Variants in TENM3 observed in about 807,000 individuals in gnomAD.
TENM3 encodes the protein teneurin-3.
In TENM3, 63 loss-of-function variants were observed where a neutral mutation model predicts 255.1. The ratio of observed to expected loss-of-function variants is 0.25; its 90% CI spans 0.20 to 0.30. The LOEUF (loss-of-function observed/expected upper bound fraction) is 0.30. Ranked by LOEUF, TENM3 falls within the 10% of genes least tolerant of loss-of-function variation. The pLI, the probability that TENM3 is intolerant of heterozygous loss-of-function variation, is 1.00. For synonymous variants in TENM3, 1,306 were observed against 1,322.3 expected (o/e 0.99, Z 0.27); for missense variants, 2,929 against 3,461.1 (o/e 0.85, Z 3.86).
At chr4:182,761,954 G>A (rs1763236339) in intron 22 of TENM3, among the ~76,000 whole-genome samples, 1 of 152,160 alleles carries the variant, frequency 6.6e-6, no homozygotes, top group South Asian at 2.1e-4. Flanking sequence ...TACATTTCAA[G>A]CATTAACCTG....
At chr4:182,681,040 G>GT (rs1252825618) in intron 10 of TENM3, among the ~76,000 whole-genome samples, 2 of 152,060 alleles carry the variant, frequency 1.3e-5, no homozygotes, top group Admixed American at 1.3e-4. Flanking sequence ...TCTTTTTATA[G>GT]TTTTTTACAT....
At chr4:182,326,715 A>T (rs559515086) in intron 2 of TENM3, among the ~76,000 whole-genome samples, 8 of 151,228 alleles carry the variant, frequency 5.3e-5, no homozygotes, top group East Asian at 3.9e-4. Context: ...TTTTAAAGAC[A>T]TTTTTTTTAA....
chr4:182,722,581 A>G lies in TENM3; in HGVS notation c.2369-6384A>G, dbSNP rs1243131405. ...AGAGAAGCTTAGAGATCTCCGGGCA[A>G]AGGAAACGATTGTGGTGAAAGGTCT... is the stretch of plus-strand genomic sequence containing the variant. On this transcript the variant is annotated intron_variant, in intron 13 of 27. Transcript: ENST00000511685. Among the ~76,000 whole-genome samples the G allele has an allele frequency of 2.0e-5, 3 of 152,340 alleles. No individual in the cohort carries two copies. The East Asian group carries it at 5.8e-4, about 29-fold the overall frequency.
the TENM3 span, among the ~76,000 whole-genome samples, chr4:181,553,248 T>C: frequency 1.4e-5 from 2 of 144,548 alleles, no homozygotes; most frequent in African/African-American, 2.6e-5. Context: ...CAGGTCGCTA[T>C]TATAGTCATT....
intron 6 of TENM3, among the ~76,000 whole-genome samples, chr4:182,671,841 T>TA (rs1194022206): frequency 6.6e-6 from 1 of 152,036 alleles, no homozygotes; most frequent in Non-Finnish European, 1.5e-5. Flanking sequence ...CAGTTTAATA[T>TA]TTTTTTTAAA....
rs113585717 is a variant in TENM3, at chr4:182,497,109, A to G, written c.512-103815A>G. ...TTGCTCTGTCGCCAGGCTGGAATGC[A>G]GTGGCACGATCTCAGCTCACTGTAA... is the stretch of plus-strand genomic sequence containing the variant. On this transcript the variant is annotated intron_variant, in intron 3 of 27. Transcript: ENST00000511685. 3.0e-3 allele frequency among the ~76,000 whole-genome samples: 455 copies of G among 151,386 alleles called. 2 individuals carry two copies. Among genetic ancestry groups the G allele is most frequent in the African/African-American group, 0.01 (427 of 41,262 alleles).
intron 1 of TENM3, among the ~76,000 whole-genome samples, chr4:182,319,509 T>C (rs1025234131): frequency 6.6e-6 from 1 of 152,244 alleles, no homozygotes; most frequent in African/African-American, 2.4e-5. Context: ...TGCCTCGATC[T>C]TTGATGGCAT....
the TENM3 span, among the ~76,000 whole-genome samples, chr4:181,933,866 A>T: frequency 9.0e-3 from 1,373 of 152,254 alleles, 16 homozygotes; most frequent in African/African-American, 0.032. Flanking sequence ...GACTCAATAG[A>T]TTTTTTGTGT....
the TENM3 span, among the ~76,000 whole-genome samples, chr4:181,489,688 A>T: frequency 6.6e-6 from 1 of 152,198 alleles, no homozygotes; most frequent in African/African-American, 2.4e-5. Flanking sequence ...TAGAAATTCC[A>T]TATATAGAAA....
chr4:182,791,687 A>G (rs925751753), intron 25 of TENM3, among the ~76,000 whole-genome samples: 2 of 152,192 alleles, frequency 1.3e-5, no homozygotes, highest in African/African-American at 4.8e-5. Context: ...TATAGCTCTC[A>G]TTCACCATGT....
the TENM3 span, among the ~76,000 whole-genome samples, chr4:181,623,784 G>T: frequency 5.3e-5 from 8 of 152,146 alleles, no homozygotes; most frequent in African/African-American, 1.7e-4. Flanking sequence ...TGTTTTGATG[G>T]CTCTGAGCTA....
At chr4:181,946,292 G>C in the TENM3 span, among the ~76,000 whole-genome samples, 3 of 152,142 alleles carry the variant, frequency 2.0e-5, no homozygotes, top group African/African-American at 7.2e-5. Context: ...CACATCAACT[G>C]TGTATGACAG....
chr4:181,594,391 A>T, the TENM3 span, among the ~76,000 whole-genome samples: 1 of 152,220 alleles, frequency 6.6e-6, no homozygotes. Context: ...CATCAAATCA[A>T]TGGTCCACTC....
intron 1 of TENM3, among the ~76,000 whole-genome samples, chr4:182,210,085 C>T (rs1289273082): frequency 6.6e-6 from 1 of 152,166 alleles, no homozygotes; most frequent in African/African-American, 2.4e-5. Context: ...TTCCCTCTCC[C>T]TCCTGCCAAA....
chr4:182,635,218 G>A lies in TENM3; in HGVS notation c.988+6329G>A, dbSNP rs535532152. Among the ~76,000 whole-genome samples the A allele has an allele frequency of 1.2e-4, 19 of 152,272 alleles. No individual in the cohort carries two copies. The South Asian group carries it at 3.9e-3, about 32-fold the overall frequency. ...TCAATTATCTTGCCCTTTTGGCCAG[G>A]TTTTTCCTAACCAGTAATTCATTTG... On this transcript the variant is annotated intron_variant, in intron 5 of 27. Transcript: ENST00000511685.
the TENM3 span, among the ~76,000 whole-genome samples, chr4:181,706,966 G>T: frequency 1.3e-5 from 2 of 152,202 alleles, no homozygotes; most frequent in Admixed American, 1.3e-4. Flanking sequence ...GGTCCTGGAA[G>T]TTCCCACATA....
chr4:182,001,625 G>T, the TENM3 span, among the ~76,000 whole-genome samples: 1 of 152,012 alleles, frequency 6.6e-6, no homozygotes, highest in Non-Finnish European at 1.5e-5. Flanking sequence ...CTGCATAGTT[G>T]TTCTGAAAAA....
At chr4:182,358,149 C>T (rs1035033854) in intron 3 of TENM3, among the ~76,000 whole-genome samples, 7 of 151,770 alleles carry the variant, frequency 4.6e-5, no homozygotes, top group East Asian at 3.9e-4. Context: ...AGTCAGGTAG[C>T]GTGATGCCTC....
At chr4:182,548,489 T>C (rs1252119231) in intron 3 of TENM3, among the ~76,000 whole-genome samples, 1 of 152,118 alleles carries the variant, frequency 6.6e-6, no homozygotes, top group East Asian at 1.9e-4. Context: ...GAGGCAACTC[T>C]ACCTGGGGGA....
Sources: gnomAD v4.1 joint callset for allele counts (sites outside exome capture counted in the v4.1 genomes callset) on GRCh38, gnomAD v4.1.1 for gene constraint, MANE v1.5 for transcripts, NCBI Gene and HGNC (gene_info 2026-07-23, HGNC 2026-07-21) for gene names.